The following ARHGAP32 variants were observed in gnomAD, a reference collection of about 807,000 sequenced individuals.
ARHGAP32 encodes the protein Rho GTPase activating protein 32.
Under a neutral mutation model 186.5 loss-of-function variants are expected in ARHGAP32, and 51 were observed. That is an observed-to-expected ratio of 0.27 (90% CI 0.22 to 0.35). The LOEUF (loss-of-function observed/expected upper bound fraction) is 0.35. ARHGAP32 is among the 10% of genes least tolerant of loss of function. The probability of loss-of-function intolerance (pLI) is 1.00; values close to 1 mark genes in which losing one functional copy is unlikely to be tolerated. For missense variants in ARHGAP32, 2,186 were observed against 2,623.5 expected (o/e 0.83, Z 3.64); for synonymous variants, 950 against 964.3 (o/e 0.99, Z 0.27).
At chr11:129,032,288 C>A (rs970002738) in intron 11 of ARHGAP32, among the ~76,000 whole-genome samples, 4 of 152,218 alleles carry the variant, frequency 2.6e-5, no homozygotes, top group Non-Finnish European at 4.4e-5. Context: ...TCTGCTCCTA[C>A]CAGTTGCCCA....
chr11:129,031,814 C>A (rs777326144), intron 11 of ARHGAP32, among the ~76,000 whole-genome samples: 1 of 152,104 alleles, frequency 6.6e-6, no homozygotes, highest in South Asian at 2.1e-4. Flanking sequence ...TATCCTGTGC[C>A]CATAAAAACC....
chr11:129,013,681 C>T (rs1444014082), intron 11 of ARHGAP32, among the ~76,000 whole-genome samples: 1 of 152,132 alleles, frequency 6.6e-6, no homozygotes, highest in African/African-American at 2.4e-5. Context: ...GATCTAGTAA[C>T]ACTTCCAAAT....
chr11:129,146,641 T>C (rs1429410131), intron 2 of ARHGAP32, among the ~76,000 whole-genome samples: 1 of 152,096 alleles, frequency 6.6e-6, no homozygotes, highest in East Asian at 1.9e-4. Flanking sequence ...TACAGATTTA[T>C]GAAGAGTACA....
intron 12 of ARHGAP32, among the ~76,000 whole-genome samples, chr11:128,997,937 G>A (rs1946246604): frequency 6.9e-6 from 1 of 145,416 alleles, no homozygotes; most frequent in Admixed American, 6.8e-5. Flanking sequence ...GGCATTTTAT[G>A]TCTCAAAACT....
At chr11:129,180,539 G>A (rs568428216) in intron 1 of ARHGAP32, among the ~76,000 whole-genome samples, 10 of 151,930 alleles carry the variant, frequency 6.6e-5, no homozygotes, top group Admixed American at 3.9e-4. Flanking sequence ...CAGTTTAAGA[G>A]GTATAAAAAT....
intron 11 of ARHGAP32, among the ~76,000 whole-genome samples, chr11:129,030,106 G>A (rs941264914): frequency 8.5e-5 from 13 of 152,124 alleles, no homozygotes; most frequent in African/African-American, 3.1e-4. Flanking sequence ...TGCCTCTGAA[G>A]GTAGGGATTT....
intron 5 of ARHGAP32, among the ~76,000 whole-genome samples, chr11:129,121,899 A>G (rs1194952678): frequency 6.6e-6 from 1 of 152,102 alleles, no homozygotes; most frequent in African/African-American, 2.4e-5. Flanking sequence ...ACGCAGCTGA[A>G]TAACAACTGT....
At chr11:129,261,424 A>C (rs1263557701) in intron 1 of ARHGAP32, among the ~76,000 whole-genome samples, 2 of 152,156 alleles carry the variant, frequency 1.3e-5, no homozygotes, top group Non-Finnish European at 2.9e-5. Flanking sequence ...ACATACCACT[A>C]ATCTGGGTAA....
intron 12 of ARHGAP32, among the ~76,000 whole-genome samples, chr11:128,991,671 G>A (rs1017942387): frequency 2.6e-5 from 4 of 151,982 alleles, no homozygotes; most frequent in East Asian, 1.9e-4. Context: ...TCCAAAAGAC[G>A]GTATGACTTT....
At chr11:129,005,734 T>C (rs1331681483) in intron 11 of ARHGAP32, among the ~76,000 whole-genome samples, 2 of 152,198 alleles carry the variant, frequency 1.3e-5, no homozygotes, top group Non-Finnish European at 2.9e-5. Flanking sequence ...TAGTCTTTTC[T>C]GGGTTAAATC....
intron 6 of ARHGAP32, among the ~76,000 whole-genome samples, chr11:129,071,385 C>T (rs548251570): frequency 6.6e-6 from 1 of 151,516 alleles, no homozygotes; most frequent in East Asian, 1.9e-4. Flanking sequence ...CCCAATTAAC[C>T]AATGGGCAAA....
chr11:129,260,263 AAAC>A (rs1945305143), intron 1 of ARHGAP32, among the ~76,000 whole-genome samples: 1 of 152,220 alleles, frequency 6.6e-6, no homozygotes, highest in African/African-American at 2.4e-5. Context: ...AATTCTAGTC[AAAC>A]ACAAATAACA....
intron 18 of ARHGAP32, among the ~76,000 whole-genome samples, chr11:128,979,616 AC>A (rs1192239509): frequency 1.3e-5 from 2 of 152,358 alleles, no homozygotes; most frequent in African/African-American, 4.8e-5. Flanking sequence ...GATGCTAAAG[AC>A]AAACTCAGGA....
Position 129,106,857 on chromosome 11 carries a change from G to A in ARHGAP32, c.445-13150C>T, listed in dbSNP as rs140425785. The stretch of plus-strand genomic sequence containing the variant: ...AAAAAACCTATGAGACCCATCAAGT[G>A]GACCAACTCTCGCATTATGGAAATC... On this transcript the variant is annotated intron_variant, in intron 5 of 22. Coordinates refer to ENST00000682385, the MANE Select transcript of ARHGAP32 (RefSeq NM_001378024.1). Among the ~76,000 whole-genome samples, 1,310 of 152,140 alleles carry A rather than the reference G, an allele frequency of 8.6e-3. 62 individuals are homozygous for A. The highest frequency in any genetic ancestry group is 0.076 in the Admixed American group (1,157 of 15,270).
chr11:129,098,165 C>T (rs987773408), intron 5 of ARHGAP32, among the ~76,000 whole-genome samples: 1 of 152,102 alleles, frequency 6.6e-6, no homozygotes, highest in Non-Finnish European at 1.5e-5. Flanking sequence ...TACCACTAGA[C>T]CTGCCAAACA....
Position 128,970,804 on chromosome 11 carries a change from G to A in ARHGAP32, c.4409C>T (p.Pro1470Leu). 2 of 1,614,208 alleles carry A rather than the reference G, an allele frequency of 1.2e-6. No homozygotes were observed. The highest frequency in any genetic ancestry group is 1.7e-6 in the Non-Finnish European group (2 of 1,180,034). The change falls in exon 23 of 23, where the codon CCT becomes CTT. Residue 1470 changes from proline to leucine, a missense_variant. This residue lies in a region of ARHGAP32 where 1,502 missense variants were observed against 1,570.0 expected (regional missense o/e 0.96). Transcript: ENST00000682385. This position sits in a 1 kb window ranked among gnomAD's most constrained non-coding sequence, Gnocchi z 5.8. The stretch of plus-strand genomic sequence containing the variant: ...AGGTTGTGGGACAGGAAGTGGTAAA[G>A]GCAATGCATCGTCCACAGAGGTGGA... ...ASSTSVDDAL[P>L]LPLPVPQPKH...
At position 128,974,984 on chromosome 11, in the gene ARHGAP32, CG is replaced by C; in HGVS notation, c.2212del (p.Arg738AspfsTer60). Reference sequence around the variant, plus strand: ...ACTGGAAGATCTGGGTCTTCTGGGTCGGAAGAGCTTAGAATCACCTGGAAAA... The same window carrying C: ...ACTGGAAGATCTGGGTCTTCTGGGTCGAAGAGCTTAGAATCACCTGGAAAA... ...HAVDGDSKLFRPRRPRSSSDA... is the reference protein window; with the variant it reads ...HAVDGDSKLFXPRRPRSSSDA... On this transcript the variant is annotated frameshift_variant, in exon 21 of 23. Transcript: ENST00000682385. LOFTEE classifies it high-confidence loss of function. The C allele has an allele frequency of 6.2e-7, 1 of 1,608,260 alleles. No homozygotes were observed. The highest frequency in any genetic ancestry group is 8.5e-7 in the Non-Finnish European group (1 of 1,177,744).
chr11:129,154,471 G>C (rs1030450666), intron 2 of ARHGAP32, among the ~76,000 whole-genome samples: 4 of 152,096 alleles, frequency 2.6e-5, no homozygotes, highest in African/African-American at 4.8e-5. Flanking sequence ...CAAAAATATG[G>C]AAACAGCCTA....
intron 1 of ARHGAP32, among the ~76,000 whole-genome samples, chr11:129,212,809 C>T (rs1277968997): frequency 6.6e-6 from 1 of 151,866 alleles, no homozygotes; most frequent in African/African-American, 2.4e-5. Flanking sequence ...CAAAATATCA[C>T]ATGTACCCCA....
Sources: allele counts gnomAD v4.1 joint callset (sites outside exome capture counted in the v4.1 genomes callset), GRCh38; gene constraint gnomAD v4.1.1; regional missense constraint gnomAD v4.1.1; non-coding constraint Gnocchi (gnomAD v3.1); transcripts MANE v1.5; gene names NCBI Gene and HGNC (gene_info 2026-07-23, HGNC 2026-07-21).